Variants in FRY observed in about 807,000 individuals in gnomAD.
FRY encodes the protein protein furry homolog.
Under a neutral mutation model 348.4 loss-of-function variants are expected in FRY, and 128 were observed. That is an observed-to-expected ratio of 0.37 (90% confidence interval 0.32 to 0.43). FRY has a LOEUF of 0.43. FRY is among the 20% of genes least tolerant of loss of function. The probability of loss-of-function intolerance (pLI) is 1.00; values close to 1 mark genes in which losing one functional copy is unlikely to be tolerated. For synonymous variants in FRY, 1,370 were observed against 1,374.7 expected, an observed-to-expected ratio of 1.00 and a Z score of 0.08; for missense variants, 2,736 against 3,695.2, an observed-to-expected ratio of 0.74 and a Z score of 6.73.
Position 32,135,111 on chromosome 13 carries a change from C to A in FRY, c.1005C>A (p.Pro335=). The A allele has an allele frequency of 2.5e-6, 4 of 1,611,750 alleles. No individual in the cohort carries two copies. The highest frequency in any genetic ancestry group is 3.4e-6 in the Non-Finnish European group (4 of 1,177,878). The change falls in exon 10 of 61, where the codon CCC becomes CCA. Residue 335 remains proline, a synonymous_variant. Coordinates refer to ENST00000542859, the MANE Select transcript of FRY (RefSeq NM_023037.3). ...AAAVKNEVNV[P]CLRNFVESLY... ...CTGTTAAAAATGAAGTAAATGTTCC[C>A]TGCCTTAGAAATTTTGTGGAAAGCC...
At position 32,202,415 on chromosome 13, in the gene FRY, T is replaced by C; in HGVS notation, c.3906T>C (p.Ser1302=). 6.2e-7 allele frequency: 1 copy of C among 1,614,046 alleles called. No homozygotes were observed. Among genetic ancestry groups the C allele is most frequent in the Non-Finnish European group, 8.5e-7 (1 of 1,179,954 alleles). Residue 1302 remains serine (S), a synonymous_variant, in exon 31 of 61, where the codon AGT becomes AGC. Transcript: ENST00000542859. Reference sequence around the variant, plus strand: ...AAGTCGCTGAGCAAAGACCGGGAAGTATTCTCTATGGAACACACGGCCCGC... The same window carrying C: ...AAGTCGCTGAGCAAAGACCGGGAAGCATTCTCTATGGAACACACGGCCCGC... ...SKKVAEQRPG[S]ILYGTHGPLP...
intron 17 of FRY, among the ~76,000 whole-genome samples, chr13:32,162,284 A>T (rs1316596967): frequency 1.3e-5 from 2 of 152,210 alleles, no homozygotes. Context: ...ATGCTGACTG[A>T]ATGAATGATG....
intron 34 of FRY, among the ~76,000 whole-genome samples, chr13:32,211,460 A>G (rs1373571899): frequency 6.6e-6 from 1 of 152,146 alleles, no homozygotes; most frequent in Non-Finnish European, 1.5e-5. Flanking sequence ...CTGTATCTCA[A>G]AAAAAAGAGA....
intron 1 of FRY, among the ~76,000 whole-genome samples, chr13:32,056,835 A>G (rs1208283051): frequency 6.6e-6 from 1 of 152,236 alleles, no homozygotes; most frequent in Non-Finnish European, 1.5e-5. Flanking sequence ...TCTCATACAA[A>G]TAAAATGTGA....
chr13:32,037,718 A>T (rs1566040037), intron 1 of FRY, among the ~76,000 whole-genome samples: 1 of 152,238 alleles, frequency 6.6e-6, no homozygotes, highest in Non-Finnish European at 1.5e-5. Flanking sequence ...ACATGCAAAG[A>T]TTCTCCTATC....
At chr13:32,202,215 A>G (rs1278010647) in intron 30 of FRY, 141 bp from the exon 31 acceptor site, 1 of 790,448 alleles carries the variant, frequency 1.3e-6, no homozygotes, top group Non-Finnish European at 2.1e-6. Context: ...TACTAATTAA[A>G]CTGATGTTTT....
chr13:32,273,503 T>G (rs1053052853), intron 55 of FRY, among the ~76,000 whole-genome samples: 1 of 152,148 alleles, frequency 6.6e-6, no homozygotes, highest in Non-Finnish European at 1.5e-5. Context: ...ATTACAGGCG[T>G]GAGCCACCGC....
chr13:32,128,547 C>A (rs976990538), intron 7 of FRY, among the ~76,000 whole-genome samples: 1 of 152,158 alleles, frequency 6.6e-6, no homozygotes, highest in African/African-American at 2.4e-5. Context: ...TACATGTTAC[C>A]ATTACCACTG....
chr13:32,037,035 CACACACACACACACACACACACAA>C (rs1161773100), intron 1 of FRY, among the ~76,000 whole-genome samples: 3 of 91,968 alleles, frequency 3.3e-5, no homozygotes, highest in Admixed American at 1.1e-4. Flanking sequence ...TTTACACACA[CACACACACACACACACACACACAA>C]ACACACACAC....
At chr13:32,104,510 T>G (rs1244212660) in intron 3 of FRY, among the ~76,000 whole-genome samples, 1 of 152,200 alleles carries the variant, frequency 6.6e-6, no homozygotes, top group East Asian at 1.9e-4. Flanking sequence ...TGTGAACCAA[T>G]AGTAAGATGG....
chr13:32,205,175 C>A (rs1884280946), intron 31 of FRY, among the ~76,000 whole-genome samples: 1 of 135,414 alleles, frequency 7.4e-6, no homozygotes, highest in Admixed American at 8.6e-5. Context: ...TGCACTCCAG[C>A]CTGAGCGACA....
chr13:32,108,495 A>G (rs1287400787), intron 3 of FRY, among the ~76,000 whole-genome samples: 1 of 152,226 alleles, frequency 6.6e-6, no homozygotes, highest in Non-Finnish European at 1.5e-5. Flanking sequence ...ATCTTCAAAA[A>G]CAGGCAAAAA....
chr13:32,130,222 G>C (rs1879266098), intron 7 of FRY, among the ~76,000 whole-genome samples: 1 of 151,840 alleles, frequency 6.6e-6, no homozygotes. Flanking sequence ...TGTGTTTTTG[G>C]TAGAGACCGG....
chr13:32,297,480 G>A lies in FRY; in HGVS notation c.*2020G>A, dbSNP rs1387543974. 1 of 151,080 alleles carries A rather than the reference G, an allele frequency of 6.6e-6. No homozygotes were observed. Among genetic ancestry groups the A allele is most frequent in the Non-Finnish European group, 1.5e-5 (1 of 67,890 alleles). The allele number at this position is 151,080 out of a possible 1,614,324, so 9.4% of individuals were successfully genotyped here. On this transcript the variant is annotated 3_prime_UTR_variant, in exon 61 of 61. Coordinates refer to ENST00000542859, the MANE Select transcript of FRY (RefSeq NM_023037.3). ...TTCTTACCCAGCAGAGAACCACCGT[G>A]ATGGTTTACTCTTAAAAAGGGAAGG...
intron 18 of FRY, among the ~76,000 whole-genome samples, chr13:32,171,910 G>C (rs867396547): frequency 4.7e-5 from 7 of 149,348 alleles, no homozygotes; most frequent in African/African-American, 1.8e-4. Flanking sequence ...GTGTGGATGT[G>C]GATGTAGGTG....
chr13:32,101,155 A>G (rs2138630534), intron 2 of FRY, among the ~76,000 whole-genome samples: 1 of 152,204 alleles, frequency 6.6e-6, no homozygotes, highest in East Asian at 1.9e-4. Context: ...CTACCATTCT[A>G]GTCTCTGCTT....
At chr13:32,068,911 CTTTTTTTTTTTT>C (rs142807722) in intron 1 of FRY, among the ~76,000 whole-genome samples, 1 of 82,860 alleles carries the variant, frequency 1.2e-5, no homozygotes, top group Non-Finnish European at 2.3e-5. Context: ...ATGTTCAATT[CTTTTTTTTTTTT>C]TTTTTTTTTT....
At chr13:32,194,794 A>G (rs1005416122) in intron 29 of FRY, among the ~76,000 whole-genome samples, 1 of 152,234 alleles carries the variant, frequency 6.6e-6, no homozygotes, top group Non-Finnish European at 1.5e-5. Flanking sequence ...CCTTTGTTAT[A>G]TAAATTAGTT....
intron 50 of FRY, chr13:32,253,998 C>T (rs2138517546): frequency 1.2e-5 from 7 of 573,564 alleles, no homozygotes; most frequent in South Asian, 9.8e-5. Context: ...AAAGCAGCGA[C>T]GTGATTCTTG....
Sources: gnomAD v4.1 joint callset for allele counts (sites outside exome capture counted in the v4.1 genomes callset) on GRCh38, gnomAD v4.1.1 for gene constraint, MANE v1.5 for transcripts, NCBI Gene and HGNC (gene_info 2026-07-23, HGNC 2026-07-21) for gene names.